GALNT5: variants seen among roughly 807,000 people sequenced by gnomAD.
The protein encoded by GALNT5 is UDP-GalNAc:polypeptide N-acetylgalactosaminyltransferase 5.
Under a neutral mutation model 85.4 loss-of-function variants are expected in GALNT5, and 72 were observed. The observed-to-expected ratio is 0.84, with a 90% confidence interval of 0.70 to 1.03. The LOEUF (loss-of-function observed/expected upper bound fraction) is 1.03, where lower values mean the gene tolerates loss of function less well. GALNT5 is among the 50% of genes least tolerant of loss of function. GALNT5 has a pLI of 0.00. For missense variants in GALNT5, 1,137 were observed against 1,135.5 expected (o/e 1.00, Z -0.02); for synonymous variants, 404 against 397.0 (o/e 1.02, Z -0.21).
At chr2:157,292,712 A>ATTT (rs34679647) in intron 3 of GALNT5, among the ~76,000 whole-genome samples, 1 of 147,154 alleles carries the variant, frequency 6.8e-6, no homozygotes. Context: ...TCGTATTATT[A>ATTT]TTTTTTTTTT....
At chr2:157,269,995 G>T (rs1045304153) in intron 1 of GALNT5, among the ~76,000 whole-genome samples, 2 of 151,844 alleles carry the variant, frequency 1.3e-5, no homozygotes, top group East Asian at 1.9e-4. Context: ...TAAAAAAAAT[G>T]TAACTGTGAA....
At position 157,259,233 on chromosome 2, in the gene GALNT5, C is replaced by A; in HGVS notation, c.1151C>A (p.Ala384Asp). 1 of 1,607,826 alleles carries A rather than the reference C, an allele frequency of 6.2e-7. No individual in the cohort carries two copies. The highest frequency in any genetic ancestry group is 8.5e-7 in the Non-Finnish European group (1 of 1,177,400). Residue 384 changes from alanine to aspartate, a missense_variant, in exon 1 of 10, where the codon GCT (alanine) becomes GAT (aspartate). Ala to Asp is a moderately radical substitution (Grantham distance 126, BLOSUM62 -2). Transcript: ENST00000259056. ...GTGCCACTGTCCCAAACTAACCATG[C>A]TTTAACTGGAGGGCTAGAGCCAGCA... ...HRVPLSQTNH[A>D]LTGGLEPAKI...
chr2:157,276,483 T>C (rs1381475385), intron 1 of GALNT5, among the ~76,000 whole-genome samples: 1 of 152,232 alleles, frequency 6.6e-6, no homozygotes, highest in Non-Finnish European at 1.5e-5. Context: ...AGGTTATTAA[T>C]TATTGCCTCA....
chr2:157,264,603 T>G (rs1682418384), intron 1 of GALNT5, among the ~76,000 whole-genome samples: 1 of 152,178 alleles, frequency 6.6e-6, no homozygotes, highest in Non-Finnish European at 1.5e-5. Context: ...AAAGGTTTTT[T>G]TTTGGCACAT....
chr2:157,287,176 A>G (rs1682999474), intron 3 of GALNT5, among the ~76,000 whole-genome samples: 1 of 152,118 alleles, frequency 6.6e-6, no homozygotes, highest in Admixed American at 6.5e-5. Flanking sequence ...TTACTTTGGG[A>G]TTAAGAAGTA....
chr2:157,265,368 GAGA>G, intron 1 of GALNT5, among the ~76,000 whole-genome samples: 1 of 152,278 alleles, frequency 6.6e-6, no homozygotes, highest in African/African-American at 2.4e-5. Context: ...AAGATTAGAG[GAGA>G]AGAATGGAAA....
intron 1 of GALNT5, among the ~76,000 whole-genome samples, chr2:157,274,162 T>C (rs1301671817): frequency 2.0e-5 from 3 of 152,212 alleles, no homozygotes; most frequent in South Asian, 2.1e-4. Context: ...ACTCATCATT[T>C]AGGGCTGCAT....
At chr2:157,271,110 A>T (rs546137771) in intron 1 of GALNT5, among the ~76,000 whole-genome samples, 1 of 152,362 alleles carries the variant, frequency 6.6e-6, no homozygotes, top group East Asian at 1.9e-4. Flanking sequence ...CTCAAAAAAA[A>T]AAAAAATGTG....
intron 1 of GALNT5, among the ~76,000 whole-genome samples, chr2:157,270,593 ATTTAAGC>A (rs1682561489): frequency 6.6e-6 from 1 of 152,174 alleles, no homozygotes; most frequent in East Asian, 1.9e-4. Context: ...TTCTTCCACT[ATTTAAGC>A]TTTAAGTTCC....
At chr2:157,271,395 T>C (rs1001789974) in intron 1 of GALNT5, among the ~76,000 whole-genome samples, 9 of 152,022 alleles carry the variant, frequency 5.9e-5, no homozygotes, top group East Asian at 1.9e-4. Flanking sequence ...CCCATAGAAA[T>C]TGACTGAGGA....
At chr2:157,274,203 T>C (rs1682666278) in intron 1 of GALNT5, among the ~76,000 whole-genome samples, 1 of 152,230 alleles carries the variant, frequency 6.6e-6, no homozygotes, top group Admixed American at 6.5e-5. Context: ...TGCCATGTTT[T>C]CTTAATCCAT....
Position 157,305,782 on chromosome 2 carries a change from A to G in GALNT5, c.2473A>G (p.Ile825Val), listed in dbSNP as rs1261389351. ...INVALGKCIS[I>V]ENTTVILEDC... ...TGTGGCTTTGGGTAAATGCATTTCCATTGAAAACACTACAGTCATTCTGGA... is the reference window on the plus strand; with the variant it reads ...TGTGGCTTTGGGTAAATGCATTTCCGTTGAAAACACTACAGTCATTCTGGA... The change falls in exon 8 of 10, where the codon ATT (isoleucine) becomes GTT (valine). Residue 825 changes from isoleucine (I) to valine (V), a missense_variant. By Grantham distance (29) the Ile-to-Val change is conservative. Coordinates refer to ENST00000259056, the MANE Select transcript of GALNT5 (RefSeq NM_014568.3). 5 of 1,609,700 alleles carry G rather than the reference A, an allele frequency of 3.1e-6. No homozygotes were observed. The highest frequency in any genetic ancestry group is 2.2e-5 in the East Asian group (1 of 44,812).
intron 1 of GALNT5, among the ~76,000 whole-genome samples, chr2:157,274,893 T>G (rs766910286): frequency 1.7e-4 from 26 of 152,134 alleles, no homozygotes; most frequent in East Asian, 5.8e-4. Flanking sequence ...TTTTAGTCAT[T>G]AAGTCCTTGC....
intron 1 of GALNT5, among the ~76,000 whole-genome samples, chr2:157,264,356 G>A (rs1244941933): frequency 6.6e-6 from 1 of 152,144 alleles, no homozygotes; most frequent in Non-Finnish European, 1.5e-5. Flanking sequence ...AGAGAAAAAT[G>A]ACTCAAAGGA....
At chr2:157,276,359 C>T (rs1682726682) in intron 1 of GALNT5, among the ~76,000 whole-genome samples, 1 of 152,068 alleles carries the variant, frequency 6.6e-6, no homozygotes, top group Non-Finnish European at 1.5e-5. Flanking sequence ...AGGGAGGATT[C>T]CTGCTTTTTG....
intron 1 of GALNT5, among the ~76,000 whole-genome samples, chr2:157,276,518 T>C (rs1310552431): frequency 6.6e-6 from 1 of 152,206 alleles, no homozygotes; most frequent in Non-Finnish European, 1.5e-5. Flanking sequence ...TATTGGTCTA[T>C]TCAGGGATTT....
At chr2:157,286,330 C>T (rs1682970797) in intron 3 of GALNT5, among the ~76,000 whole-genome samples, 196 bp downstream of exon 3, 1 of 152,016 alleles carries the variant, frequency 6.6e-6, no homozygotes, top group Non-Finnish European at 1.5e-5. Flanking sequence ...TACTTTTTTC[C>T]TGAACCTTTG....
intron 3 of GALNT5, among the ~76,000 whole-genome samples, chr2:157,288,869 A>T (rs537108474): frequency 6.6e-6 from 1 of 152,276 alleles, no homozygotes; most frequent in South Asian, 2.1e-4. Context: ...GGTCAGCTTC[A>T]TCATAGATTG....
At chr2:157,286,574 G>A (rs1282307959) in intron 3 of GALNT5, among the ~76,000 whole-genome samples, 1 of 152,110 alleles carries the variant, frequency 6.6e-6, no homozygotes, top group Non-Finnish European at 1.5e-5. Context: ...TGCCATCTCA[G>A]CTCACCACAA....
Sources: allele counts gnomAD v4.1 joint callset (sites outside exome capture counted in the v4.1 genomes callset), GRCh38; gene constraint gnomAD v4.1.1; transcripts MANE v1.5; gene names NCBI Gene and HGNC (gene_info 2026-07-23, HGNC 2026-07-21).